The following MYBPC1 variants were observed in gnomAD, a reference collection of about 807,000 sequenced individuals.
MYBPC1 encodes myosin-binding protein C, slow-type.
MYBPC1 carries 52 observed loss-of-function variants against 147.1 expected under a neutral mutation model. That is an observed-to-expected ratio of 0.35 (90% CI 0.28 to 0.45). MYBPC1 has a LOEUF of 0.45. Among genes scored for constraint, MYBPC1 ranks in the 20% least tolerant of loss-of-function variants. The pLI is 1.00. For synonymous variants in MYBPC1, 477 were observed against 475.9 expected, an observed-to-expected ratio of 1.00 and a Z score of -0.03; for missense variants, 1,228 against 1,440.3, an observed-to-expected ratio of 0.85 and a Z score of 2.39.
intron 8 of MYBPC1, among the ~76,000 whole-genome samples, chr12:101,633,266 T>C (rs1337222497): frequency 6.6e-6 from 1 of 152,134 alleles, no homozygotes; most frequent in Non-Finnish European, 1.5e-5. Context: ...CAGGCATACA[T>C]GGCTTGTTGC....
In MYBPC1 at chr12:101,677,245, C is replaced by G. The variant is rs757019618; in HGVS notation, c.2960C>G (p.Thr987Ser). Residue 987 changes from threonine (T) to serine (S), a missense_variant, in exon 27 of 32, where the codon ACT becomes AGT. By Grantham distance (58) the Thr-to-Ser change is moderately conservative. This residue lies in a region of MYBPC1 where 1,077 missense variants were observed against 1,314.2 expected (regional missense o/e 0.82). Coordinates refer to ENST00000361466, the MANE Select transcript of MYBPC1 (RefSeq NM_002465.4). The stretch of plus-strand genomic sequence containing the variant: ...TTTTTTTTCTTTTAGGAATGGTTTA[C>G]TGTCATTGAGCATTATCATCGAACC... ...KADKKSMEWF[T>S]VIEHYHRTSA... is the part of the protein sequence containing the mutation. 3 of 1,612,902 alleles carry G rather than the reference C, an allele frequency of 1.9e-6. No homozygotes were observed. The Admixed American group carries it at 5.0e-5, about 27-fold the overall frequency.
intron 23 of MYBPC1, chr12:101,669,928 G>GAAAAAAA (rs759220214): frequency 3.2e-4 from 56 of 177,662 alleles, no homozygotes; most frequent in Middle Eastern, 2.4e-3. Context: ...GAGACTCTCT[G>GAAAAAAA]AAAAAAAAAA....
intron 9 of MYBPC1, 128 bp downstream of exon 9, chr12:101,634,733 T>C (rs2136096853): frequency 1.3e-6 from 1 of 773,294 alleles, no homozygotes; most frequent in Non-Finnish European, 2.2e-6. Flanking sequence ...AAAAACACCA[T>C]ATATTTAAAC....
the MYBPC1 span, among the ~76,000 whole-genome samples, chr12:101,694,049 G>C: frequency 6.6e-6 from 1 of 152,204 alleles, no homozygotes; most frequent in African/African-American, 2.4e-5. Context: ...AGAAGTCTGT[G>C]TCTCTGACAC....
chr12:101,671,317 A>ACACACACACACACACT (rs1898629952), intron 24 of MYBPC1, among the ~76,000 whole-genome samples: 2 of 65,232 alleles, frequency 3.1e-5, no homozygotes, highest in Admixed American at 2.0e-4. Flanking sequence ...ATATACACAC[A>ACACACACACACACACT]CACACACACA....
chr12:101,659,961 C>A, intron 19 of MYBPC1, 130 bp downstream of exon 19: 1 of 1,235,210 alleles, frequency 8.1e-7, no homozygotes, highest in Non-Finnish European at 1.2e-6. Flanking sequence ...TTTTTTCTTG[C>A]CTAGAGGACT....
chr12:101,662,538 T>A lies in MYBPC1; in HGVS notation c.2213T>A (p.Val738Asp), dbSNP rs1211181792. 6.2e-7 allele frequency: 1 copy of A among 1,614,000 alleles called. No individual in the cohort carries two copies. Among genetic ancestry groups the A allele is most frequent in the Non-Finnish European group, 8.5e-7 (1 of 1,179,976 alleles). ...SKPSMPSRPF[V>D]PLAVTSPPTL... ...CCCAGTATGCCCTCCAGGCCTTTTGTTCCTTTGGGTAAGTCAAGAGAGATG... is the reference window on the plus strand; with the variant it reads ...CCCAGTATGCCCTCCAGGCCTTTTGATCCTTTGGGTAAGTCAAGAGAGATG... The change falls in exon 21 of 32, where the codon GTT becomes GAT. Residue 738 changes from valine (V) to aspartate (D), a missense_variant. Transcript: ENST00000361466.
chr12:101,684,766 G>C (rs540536107), intron 31 of MYBPC1, among the ~76,000 whole-genome samples: 1 of 152,254 alleles, frequency 6.6e-6, no homozygotes, highest in South Asian at 2.1e-4. Context: ...ACCAATATGT[G>C]ACTTGAGTTG....
rs397515422 is a variant in MYBPC1, at chr12:101,644,783, C to T, written c.952C>T (p.Arg318Ter). The change falls in exon 12 of 32, where the codon CGA becomes TGA. Residue 318 changes from arginine (R) to a stop codon, truncating the protein, a stop_gained. Coordinates refer to ENST00000361466, the MANE Select transcript of MYBPC1 (RefSeq NM_002465.4). LOFTEE classifies it high-confidence loss of function. Reference protein sequence around the residue: ...VKWYKNGQEIRPSTKYIFEHK... With the variant: ...VKWYKNGQEI Reference sequence around the variant, plus strand: ...ATGGTATAAAAATGGTCAAGAAATTCGACCCAGTACCAAGTAAGTGGGCTT... The same window carrying T: ...ATGGTATAAAAATGGTCAAGAAATTTGACCCAGTACCAAGTAAGTGGGCTT... The T allele has an allele frequency of 4.3e-6, 7 of 1,613,600 alleles. No homozygotes were observed. The highest frequency in any genetic ancestry group is 1.7e-5 in the Admixed American group (1 of 60,006).
intron 23 of MYBPC1, among the ~76,000 whole-genome samples, chr12:101,669,370 A>G (rs979426750): frequency 5.9e-5 from 9 of 152,174 alleles, no homozygotes; most frequent in African/African-American, 2.2e-4. Flanking sequence ...CCTGCTCCTG[A>G]TGGATTTGCA....
At chr12:101,685,536 AG>A in intron 31 of MYBPC1, 45 bp from the exon 32 acceptor site, 1 of 1,316,832 alleles carries the variant, frequency 7.6e-7, no homozygotes, top group Non-Finnish European at 1.1e-6. Context: ...GCGATTTTTC[AG>A]GTAGATGGTT....
intron 13 of MYBPC1, among the ~76,000 whole-genome samples, chr12:101,647,723 C>G (rs1167829953): frequency 6.6e-6 from 1 of 152,150 alleles, no homozygotes; most frequent in Non-Finnish European, 1.5e-5. Context: ...CTCGTCTCTA[C>G]TGCAAATGCA....
chr12:101,668,672 T>G (rs1897959821), intron 23 of MYBPC1, among the ~76,000 whole-genome samples: 1 of 151,988 alleles, frequency 6.6e-6, no homozygotes, highest in Non-Finnish European at 1.5e-5. Flanking sequence ...ACCATGTTGG[T>G]CAGGCTGGTC....
intron 28 of MYBPC1, among the ~76,000 whole-genome samples, chr12:101,679,248 A>G (rs746756422): frequency 2.6e-5 from 4 of 152,164 alleles, no homozygotes; most frequent in Non-Finnish European, 4.4e-5. Context: ...TGGTACATCC[A>G]AATGGGAATG....
intron 29 of MYBPC1, among the ~76,000 whole-genome samples, chr12:101,681,118 GT>G (rs1430363957): frequency 1.3e-5 from 2 of 152,114 alleles, no homozygotes; most frequent in African/African-American, 2.4e-5. Context: ...ATTTATACTA[GT>G]TTTCAAAGTG....
chr12:101,626,826 A>T (rs1047118483), intron 3 of MYBPC1, 46 bp from the exon 4 acceptor site: 1 of 1,487,848 alleles, frequency 6.7e-7, no homozygotes, highest in African/African-American at 1.4e-5. Flanking sequence ...GTTACTTGGG[A>T]TGAAGTCTTT....
At chr12:101,596,041 T>C (rs916430859) in intron 1 of MYBPC1, among the ~76,000 whole-genome samples, 4 of 152,102 alleles carry the variant, frequency 2.6e-5, no homozygotes, top group African/African-American at 4.8e-5. Context: ...ATTTTTCCCT[T>C]CTGCAAATAA....
intron 28 of MYBPC1, among the ~76,000 whole-genome samples, chr12:101,678,775 G>A (rs1416489823): frequency 6.6e-6 from 1 of 152,192 alleles, no homozygotes; most frequent in Non-Finnish European, 1.5e-5. Flanking sequence ...ATCGCCCATA[G>A]AGATGTACAT....
At chr12:101,601,016 G>A (rs1249015292) in intron 1 of MYBPC1, among the ~76,000 whole-genome samples, 1 of 152,118 alleles carries the variant, frequency 6.6e-6, no homozygotes, top group African/African-American at 2.4e-5. Flanking sequence ...TGCATCCTGG[G>A]GAAACTGAAT....
Sources: allele counts gnomAD v4.1 joint callset (sites outside exome capture counted in the v4.1 genomes callset), GRCh38; gene constraint gnomAD v4.1.1; regional missense constraint gnomAD v4.1.1; transcripts MANE v1.5; gene names NCBI Gene and HGNC (gene_info 2026-07-23, HGNC 2026-07-21).